Variants in CADPS2 observed in about 807,000 individuals in gnomAD.
CADPS2 encodes calcium-dependent secretion activator 2.
Under a neutral mutation model 172.5 loss-of-function variants are expected in CADPS2, and 93 were observed. The observed-to-expected ratio is 0.54, with a 90% confidence interval of 0.46 to 0.64. The LOEUF (loss-of-function observed/expected upper bound fraction) is 0.64, where lower values mean the gene tolerates loss of function less well. Among genes scored for constraint, CADPS2 ranks in the 30% least tolerant of loss-of-function variants. The pLI is 0.00. For synonymous variants in CADPS2, 546 were observed against 555.2 expected (o/e 0.98, Z 0.23); for missense variants, 1,420 against 1,565.9 (o/e 0.91, Z 1.57).
At chr7:122,784,267 C>T (rs1178731426) in intron 1 of CADPS2, among the ~76,000 whole-genome samples, 1 of 152,110 alleles carries the variant, frequency 6.6e-6, no homozygotes, top group East Asian at 1.9e-4. Context: ...TTCACCATTC[C>T]CAACTTTCAG....
chr7:122,444,826 A>C (rs980160719), intron 15 of CADPS2, among the ~76,000 whole-genome samples: 2 of 152,082 alleles, frequency 1.3e-5, no homozygotes, highest in African/African-American at 4.8e-5. Flanking sequence ...ATTTTTTTCC[A>C]TTTATGAATT....
At chr7:122,801,552 A>G (rs1184875027) in intron 1 of CADPS2, among the ~76,000 whole-genome samples, 1 of 152,232 alleles carries the variant, frequency 6.6e-6, no homozygotes, top group African/African-American at 2.4e-5. Context: ...AAGAAATATT[A>G]CACATGTTCC....
chr7:122,725,890 G>C (rs569023917), intron 2 of CADPS2, among the ~76,000 whole-genome samples: 2 of 151,902 alleles, frequency 1.3e-5, no homozygotes, highest in East Asian at 3.9e-4. Flanking sequence ...CGCCCTGCAG[G>C]ACGCCTGGAT....
At chr7:122,852,827 G>C (rs1814061810) in intron 1 of CADPS2, among the ~76,000 whole-genome samples, 1 of 152,136 alleles carries the variant, frequency 6.6e-6, no homozygotes, top group East Asian at 1.9e-4. Flanking sequence ...TCCGACTTCT[G>C]TTATAACGGA....
intron 1 of CADPS2, among the ~76,000 whole-genome samples, chr7:122,765,014 T>C (rs1283058989): frequency 6.6e-6 from 1 of 152,172 alleles, no homozygotes; most frequent in African/African-American, 2.4e-5. Flanking sequence ...ACCAAGTAGG[T>C]GCACTTTCTG....
intron 1 of CADPS2, among the ~76,000 whole-genome samples, chr7:122,789,874 A>T (rs1794877028): frequency 6.6e-6 from 1 of 152,166 alleles, no homozygotes; most frequent in Admixed American, 6.5e-5. Context: ...AGCAATGCTG[A>T]TCAGGGATAC....
chr7:122,676,563 G>T, intron 2 of CADPS2: 1 of 731,722 alleles, frequency 1.4e-6, no homozygotes, highest in African/African-American at 1.8e-5. Flanking sequence ...GATGCTGTTA[G>T]CCCCAATTAA....
chr7:122,825,556 G>T (rs1239621792), intron 1 of CADPS2, among the ~76,000 whole-genome samples: 1 of 152,152 alleles, frequency 6.6e-6, no homozygotes, highest in Admixed American at 6.5e-5. Flanking sequence ...ATTACTTACA[G>T]AAGCAGAGAA....
intron 17 of CADPS2, among the ~76,000 whole-genome samples, chr7:122,417,098 T>C (rs1418359851): frequency 6.6e-6 from 1 of 152,174 alleles, no homozygotes; most frequent in Non-Finnish European, 1.5e-5. Context: ...TTTTTTTTCC[T>C]ACAATAGTTT....
At chr7:122,869,653 A>G (rs1176068616) in intron 1 of CADPS2, among the ~76,000 whole-genome samples, 1 of 152,092 alleles carries the variant, frequency 6.6e-6, no homozygotes, top group Non-Finnish European at 1.5e-5. Flanking sequence ...CACCGGTAAA[A>G]GTAGTTATGT....
In CADPS2 at chr7:122,382,774, G is replaced by A. The variant is rs116631137; in HGVS notation, c.3313-3332C>T. Reference sequence around the variant, plus strand: ...CAAGGTTGCAGTGAGCTATGAATATGCCACTGCACTTCAGCATGGGCAACA... The same window carrying A: ...CAAGGTTGCAGTGAGCTATGAATATACCACTGCACTTCAGCATGGGCAACA... On this transcript the variant is annotated intron_variant, in intron 24 of 29. Coordinates refer to ENST00000449022, the MANE Select transcript of CADPS2 (RefSeq NM_017954.11). Among the ~76,000 whole-genome samples the A allele has an allele frequency of 6.9e-3, 1,056 of 152,142 alleles. 13 individuals are homozygous for A. The highest frequency in any genetic ancestry group is 0.025 in the African/African-American group (1,018 of 41,522).
chr7:122,429,326 G>T (rs982739769), intron 17 of CADPS2, among the ~76,000 whole-genome samples: 1 of 146,370 alleles, frequency 6.8e-6, no homozygotes, highest in Non-Finnish European at 1.5e-5. Context: ...CCCTATCCAG[G>T]TGATCACACA....
intron 8 of CADPS2, among the ~76,000 whole-genome samples, chr7:122,543,094 G>T (rs35248522): frequency 0.098 from 14,845 of 151,692 alleles, 845 homozygotes; most frequent in African/African-American, 0.15. Context: ...TGTGAATTCT[G>T]GTATAAGGAT....
chr7:122,567,793 C>T (rs2066659975), intron 7 of CADPS2, among the ~76,000 whole-genome samples: 1 of 151,744 alleles, frequency 6.6e-6, no homozygotes. Flanking sequence ...CATAAAATAA[C>T]AAGACATTTA....
At chr7:122,538,429 C>CT (rs1223111717) in intron 8 of CADPS2, among the ~76,000 whole-genome samples, 1 of 147,368 alleles carries the variant, frequency 6.8e-6, no homozygotes, top group Non-Finnish European at 1.5e-5. Context: ...GAACATTTAC[C>CT]TTAACTCATT....
At chr7:122,591,227 C>T (rs1052769059) in intron 6 of CADPS2, among the ~76,000 whole-genome samples, 8 of 151,962 alleles carry the variant, frequency 5.3e-5, no homozygotes, top group African/African-American at 1.9e-4. Flanking sequence ...GAATGAACTC[C>T]CACTCACAAT....
At chr7:122,801,769 T>A (rs1797702719) in intron 1 of CADPS2, among the ~76,000 whole-genome samples, 1 of 117,944 alleles carries the variant, frequency 8.5e-6, no homozygotes, top group African/African-American at 4.9e-5. Context: ...TTTTTTTTAA[T>A]TTTTATTTAT....
At chr7:122,821,071 A>C (rs1054008270) in intron 1 of CADPS2, among the ~76,000 whole-genome samples, 1 of 151,682 alleles carries the variant, frequency 6.6e-6, no homozygotes, top group Admixed American at 6.6e-5. Flanking sequence ...AGTCTCCCAC[A>C]ATTACTGTTG....
At chr7:122,763,130 A>C (rs931977170) in intron 1 of CADPS2, among the ~76,000 whole-genome samples, 9 of 152,140 alleles carry the variant, frequency 5.9e-5, no homozygotes, top group Admixed American at 2.0e-4. Context: ...TACAGAGAAA[A>C]CTGAGCACAC....
Sources: allele counts gnomAD v4.1 joint callset (sites outside exome capture counted in the v4.1 genomes callset), GRCh38; gene constraint gnomAD v4.1.1; transcripts MANE v1.5; gene names NCBI Gene and HGNC (gene_info 2026-07-23, HGNC 2026-07-21).